NUDT3: variants seen among roughly 807,000 people sequenced by gnomAD.
The protein encoded by NUDT3 is diphosphoinositol polyphosphate phosphohydrolase 1.
NUDT3 carries 9 observed loss-of-function variants against 23.6 expected under a neutral mutation model. The observed-to-expected ratio is 0.38, with a 90% CI of 0.23 to 0.66. The LOEUF (loss-of-function observed/expected upper bound fraction) is 0.66. Ranked by LOEUF, NUDT3 falls within the 30% of genes least tolerant of loss-of-function variation. The pLI is 0.52. For synonymous variants in NUDT3, 86 were observed against 82.6 expected, an observed-to-expected ratio of 1.04 and a Z score of -0.22; for missense variants, 172 against 218.5, an observed-to-expected ratio of 0.79 and a Z score of 1.34.
chr6:34,348,865 C>T (rs1402007908), intron 1 of NUDT3, among the ~76,000 whole-genome samples: 3 of 143,202 alleles, frequency 2.1e-5, no homozygotes, highest in Non-Finnish European at 4.6e-5. Context: ...GAAGGTTTCT[C>T]TTTTTTTTTT....
At chr6:34,322,631 A>G (rs1298257691) in intron 2 of NUDT3, among the ~76,000 whole-genome samples, 2 of 152,242 alleles carry the variant, frequency 1.3e-5, no homozygotes, top group African/African-American at 4.8e-5. Flanking sequence ...TACAAGCAAC[A>G]GTAATGTGTG....
At chr6:34,389,686 G>A (rs1057253996) in intron 1 of NUDT3, among the ~76,000 whole-genome samples, 7 of 152,072 alleles carry the variant, frequency 4.6e-5, no homozygotes, top group African/African-American at 1.2e-4. Flanking sequence ...AATAAAGGTC[G>A]GGCACAGTGG....
intron 1 of NUDT3, among the ~76,000 whole-genome samples, chr6:34,390,512 T>C (rs1020761224): frequency 2.0e-5 from 3 of 152,124 alleles, no homozygotes; most frequent in East Asian, 3.8e-4. Context: ...ATACATTTTC[T>C]ATTTCTAGTA....
chr6:34,295,726 T>C (rs535564684), intron 2 of NUDT3, 41 bp from the exon 3 acceptor site: 96 of 1,610,092 alleles, frequency 6.0e-5, no homozygotes, highest in South Asian at 2.6e-4. Flanking sequence ...GATAGTATTA[T>C]ATTGCTGGTC....
intron 1 of NUDT3, among the ~76,000 whole-genome samples, chr6:34,372,703 C>G (rs1201532517): frequency 2.0e-5 from 3 of 152,004 alleles, no homozygotes; most frequent in African/African-American, 7.2e-5. Flanking sequence ...ACTAGGGAGG[C>G]TGAGGCAGGA....
chr6:34,369,285 T>A (rs1264478151), intron 1 of NUDT3, among the ~76,000 whole-genome samples: 2 of 152,214 alleles, frequency 1.3e-5, no homozygotes, highest in African/African-American at 4.8e-5. Flanking sequence ...GGGGTTAAGT[T>A]ACTCATAGCT....
At chr6:34,367,977 C>A (rs563134457) in intron 1 of NUDT3, among the ~76,000 whole-genome samples, 1 of 151,954 alleles carries the variant, frequency 6.6e-6, no homozygotes, top group Non-Finnish European at 1.5e-5. Context: ...CTGAGGCAGG[C>A]GGATCACGAG....
rs370035439 is a variant in NUDT3 at position 34,361,138 on chromosome 6, A to C, written c.100-19166T>G. Among the ~76,000 whole-genome samples the C allele has an allele frequency of 2.4e-4, 36 of 152,244 alleles. No homozygotes were observed. The South Asian group carries it at 7.5e-3, about 32-fold the overall frequency. ...CTTGGGAAGCTGGGGTGGGAGGATCACTTGAGCCCAGGAGTTCAGTTACGG... is the reference window on the plus strand; with the variant it reads ...CTTGGGAAGCTGGGGTGGGAGGATCCCTTGAGCCCAGGAGTTCAGTTACGG... On this transcript the variant is annotated intron_variant, in intron 1 of 4. Transcript: ENST00000607016.
At chr6:34,299,853 A>G (rs1763571958) in intron 2 of NUDT3, among the ~76,000 whole-genome samples, 1 of 151,624 alleles carries the variant, frequency 6.6e-6, no homozygotes, top group Non-Finnish European at 1.5e-5. Context: ...CAGTGAGCCA[A>G]GATTGTGACA....
At chr6:34,297,757 A>ATAT (rs1181767736) in intron 2 of NUDT3, among the ~76,000 whole-genome samples, 4 of 68,034 alleles carry the variant, frequency 5.9e-5, no homozygotes, top group East Asian at 3.8e-4. Context: ...ATATATATAT[A>ATAT]TAATTTTTTT....
At chr6:34,322,010 C>G (rs1283321746) in intron 2 of NUDT3, among the ~76,000 whole-genome samples, 1 of 152,114 alleles carries the variant, frequency 6.6e-6, no homozygotes, top group Non-Finnish European at 1.5e-5. Context: ...GCCCAGAAAG[C>G]CTTAATTAGT....
At chr6:34,338,355 G>A (rs536244533) in intron 2 of NUDT3, among the ~76,000 whole-genome samples, 1 of 152,294 alleles carries the variant, frequency 6.6e-6, no homozygotes, top group African/African-American at 2.4e-5. Context: ...ATTCTCCTAG[G>A]AGCCAGTCTT....
At position 34,342,001 on chromosome 6, in the gene NUDT3, G is replaced by C. The variant is rs767213594; in HGVS notation, c.100-29C>G. On this transcript the variant is annotated intron_variant, in intron 1 of 4. Transcript: ENST00000607016. Reference sequence around the variant, plus strand: ...TTAAGTCACAAAGGTTGCATGGGGGGGTTAAAAATTCAAAGACACATCCAC... The same window carrying C: ...TTAAGTCACAAAGGTTGCATGGGGGCGTTAAAAATTCAAAGACACATCCAC... 6 of 1,594,520 alleles carry C rather than the reference G, an allele frequency of 3.8e-6. No individual in the cohort carries two copies. The African/African-American group carries it at 4.0e-5, about 11-fold the overall frequency.
At position 34,291,057 on chromosome 6, in the gene NUDT3, T is replaced by G. The variant is rs140403180; in HGVS notation, c.341-2126A>C. 5.3e-3 allele frequency among the ~76,000 whole-genome samples: 804 copies of G among 152,006 alleles called. 3 individuals carry two copies. The highest frequency in any genetic ancestry group is 0.019 in the African/African-American group (772 of 41,416). On this transcript the variant is annotated intron_variant, in intron 4 of 4. Transcript: ENST00000607016. ...TCACTGCAATCTCCGCCTCCCGGGT[T>G]CAAGCAATTCTCCTGCCTCAGCCCC... is the stretch of plus-strand genomic sequence containing the variant.
At chr6:34,360,860 A>C (rs1390856396) in intron 1 of NUDT3, among the ~76,000 whole-genome samples, 1 of 151,066 alleles carries the variant, frequency 6.6e-6, no homozygotes, top group Non-Finnish European at 1.5e-5. Flanking sequence ...AGGACATTTA[A>C]AATTCAACAA....
chr6:34,328,334 T>C (rs1321956908), intron 2 of NUDT3, among the ~76,000 whole-genome samples: 1 of 152,232 alleles, frequency 6.6e-6, no homozygotes, highest in Non-Finnish European at 1.5e-5. Context: ...TTTTGATGTA[T>C]GTATACACAT....
At chr6:34,329,003 T>C (rs1014172384) in intron 2 of NUDT3, among the ~76,000 whole-genome samples, 1 of 152,142 alleles carries the variant, frequency 6.6e-6, no homozygotes, top group Non-Finnish European at 1.5e-5. Context: ...CCTTCACTTT[T>C]TTTCCCCCAC....
chr6:34,348,041 G>A (rs773441362), intron 1 of NUDT3, among the ~76,000 whole-genome samples: 2 of 151,994 alleles, frequency 1.3e-5, no homozygotes, highest in African/African-American at 2.4e-5. Context: ...GCTCATGCCT[G>A]TAATCCTAGC....
chr6:34,309,686 A>T (rs760860361), intron 2 of NUDT3, among the ~76,000 whole-genome samples: 1 of 152,066 alleles, frequency 6.6e-6, no homozygotes, highest in Non-Finnish European at 1.5e-5. Context: ...ATAAAAATTG[A>T]TAAGTCTTCA....
Sources: allele counts gnomAD v4.1 joint callset (sites outside exome capture counted in the v4.1 genomes callset), GRCh38; gene constraint gnomAD v4.1.1; transcripts MANE v1.5; gene names NCBI Gene and HGNC (gene_info 2026-07-23, HGNC 2026-07-21).